MED13: variants seen among roughly 807,000 people sequenced by gnomAD.
The protein encoded by MED13 is mediator complex subunit 13.
A neutral mutation model predicts 225.2 loss-of-function variants in MED13; 23 were observed. The observed-to-expected ratio is 0.10, with a 90% CI of 0.07 to 0.14. MED13 has a LOEUF of 0.14. Among genes scored for constraint, MED13 ranks in the 10% least tolerant of loss-of-function variants. The pLI is 1.00. For synonymous variants in MED13, 942 were observed against 889.2 expected, an observed-to-expected ratio of 1.06 and a Z score of -1.06; for missense variants, 2,197 against 2,594.5, an observed-to-expected ratio of 0.85 and a Z score of 3.33.
intron 2 of MED13, among the ~76,000 whole-genome samples, chr17:62,054,422 A>G (rs2080981252): frequency 6.6e-6 from 1 of 152,230 alleles, no homozygotes; most frequent in South Asian, 2.1e-4. Flanking sequence ...TTAATCATAA[A>G]TATTAAATAG....
intron 3 of MED13, among the ~76,000 whole-genome samples, chr17:62,048,257 T>C (rs1393473889): frequency 1.3e-5 from 2 of 149,886 alleles, no homozygotes; most frequent in African/African-American, 2.4e-5. Flanking sequence ...ATACAAAAAT[T>C]AGCCAGTCGT....
Position 62,063,112 on chromosome 17 carries a change from C to T in MED13, c.256G>A (p.Gly86Ser). ...AGGTCAGCAAAACTGGGGTCTTCACCCCACCAAAATATCCACAATTCTCTT... is the reference window on the plus strand; with the variant it reads ...AGGTCAGCAAAACTGGGGTCTTCACTCCACCAAAATATCCACAATTCTCTT... The part of the protein sequence containing the change: ...GRRELWIFWW[G>S]EDPSFADLIH... Residue 86 changes from glycine to serine, a missense_variant, in exon 2 of 30, where the codon GGT becomes AGT. Around this residue, in one of 12 missense-constraint regions of MED13, gnomAD observed 884 missense variants for 918.5 expected, o/e 0.96. Coordinates refer to ENST00000397786, the MANE Select transcript of MED13 (RefSeq NM_005121.3). 2 of 1,614,052 alleles carry T rather than the reference C, an allele frequency of 1.2e-6. No individual in the cohort carries two copies. The highest frequency in any genetic ancestry group is 1.7e-6 in the Non-Finnish European group (2 of 1,179,990).
At chr17:62,028,128 T>C (rs973104748) in intron 8 of MED13, among the ~76,000 whole-genome samples, 2 of 152,002 alleles carry the variant, frequency 1.3e-5, no homozygotes, top group Non-Finnish European at 2.9e-5. Context: ...CTATTCACAA[T>C]AGCAAAGACA....
At chr17:62,017,217 GC>G in intron 8 of MED13, among the ~76,000 whole-genome samples, 2 of 101,152 alleles carry the variant, frequency 2.0e-5, no homozygotes, top group South Asian at 3.5e-4. Flanking sequence ...GAACTAAAAT[GC>G]TAAAAAAAAA....
At position 61,992,614 on chromosome 17, in the gene MED13, T is replaced by C. The variant is rs2080309102; in HGVS notation, c.2189A>G (p.Asp730Gly). ...TAACACTGTTACACTAGATGTCCCA[T>C]CTTCTACCTGCAAACAAATATTTCA... ...REAGKKHKVEDGTSSVTVLSH... is the reference protein window; with the variant it reads ...REAGKKHKVEGGTSSVTVLSH... The change falls in exon 11 of 30, where the codon GAT becomes GGT. Residue 730 changes from aspartate (D) to glycine (G), a missense_variant. Around this residue, in one of 12 missense-constraint regions of MED13, gnomAD observed 884 missense variants for 918.5 expected, o/e 0.96. Coordinates refer to ENST00000397786, the MANE Select transcript of MED13 (RefSeq NM_005121.3). 6.2e-7 allele frequency: 1 copy of C among 1,604,526 alleles called. No homozygotes were observed. Among genetic ancestry groups the C allele is most frequent in the Admixed American group, 1.7e-5 (1 of 59,752 alleles).
At chr17:62,019,075 A>C (rs1249663648) in intron 8 of MED13, among the ~76,000 whole-genome samples, 2 of 152,234 alleles carry the variant, frequency 1.3e-5, no homozygotes, top group Admixed American at 1.3e-4. Flanking sequence ...GAATATCCAC[A>C]ATTATCTGAA....
At chr17:62,043,803 T>C (rs535512502) in intron 3 of MED13, among the ~76,000 whole-genome samples, 85 of 152,358 alleles carry the variant, frequency 5.6e-4, no homozygotes, top group African/African-American at 2.0e-3. Flanking sequence ...GCTGACATGA[T>C]ATTATTTTGG....
chr17:61,980,348 T>C (rs1443598459), intron 16 of MED13, among the ~76,000 whole-genome samples: 1 of 152,140 alleles, frequency 6.6e-6, no homozygotes, highest in African/African-American at 2.4e-5. Context: ...CTATCTACAA[T>C]TACTCTACAG....
intron 3 of MED13, among the ~76,000 whole-genome samples, chr17:62,038,340 TGCAGTGA>T (rs1177508557): frequency 6.6e-6 from 1 of 152,046 alleles, no homozygotes; most frequent in African/African-American, 2.4e-5. Context: ...AGGTTGAGGG[TGCAGTGA>T]GCTATGATGA....
intron 8 of MED13, among the ~76,000 whole-genome samples, chr17:62,016,898 T>C (rs535528439): frequency 4.6e-5 from 7 of 152,030 alleles, no homozygotes; most frequent in African/African-American, 1.7e-4. Flanking sequence ...TAATCCCAAC[T>C]ACTCAGGAGG....
chr17:62,009,280 T>A (rs116666119), intron 9 of MED13, among the ~76,000 whole-genome samples: 327 of 152,124 alleles, frequency 2.1e-3, no homozygotes, highest in African/African-American at 7.7e-3. Flanking sequence ...CTGCCCAAAG[T>A]ATAACATTAA....
intron 17 of MED13, among the ~76,000 whole-genome samples, chr17:61,968,742 A>C (rs1484861080): frequency 1.3e-5 from 2 of 152,178 alleles, no homozygotes; most frequent in Non-Finnish European, 2.9e-5. Context: ...AATTTCCTAA[A>C]CAAGTCTTTT....
chr17:62,049,379 A>G (rs1399050029), intron 3 of MED13, among the ~76,000 whole-genome samples: 1 of 152,228 alleles, frequency 6.6e-6, no homozygotes, highest in East Asian at 1.9e-4. Flanking sequence ...ACAAAAAGTC[A>G]GCTAGAAAAT....
At chr17:62,029,345 G>A (rs928764996) in intron 8 of MED13, 196 bp downstream of exon 8, 2 of 561,902 alleles carry the variant, frequency 3.6e-6, no homozygotes, top group African/African-American at 3.8e-5. Context: ...TGGTAACAGT[G>A]AATGAACTGA....
intron 8 of MED13, among the ~76,000 whole-genome samples, chr17:62,014,045 C>G (rs1222447153): frequency 6.6e-6 from 1 of 151,814 alleles, no homozygotes; most frequent in African/African-American, 2.4e-5. Context: ...TCCCACCCCC[C>G]ACCAAAAACA....
intron 29 of MED13, 150 bp downstream of exon 29, chr17:61,946,767 G>T (rs2079854678): frequency 9.4e-7 from 1 of 1,063,802 alleles, no homozygotes; most frequent in Non-Finnish European, 1.4e-6. Flanking sequence ...CTCAAAAGTA[G>T]ATTACTCAAG....
rs562897699 is a variant in MED13, at chr17:62,062,609, CA to C, written c.301+457del. ...CACACACACACACACACCACACACA[CA>C]CACACACACACACACACGGATAGTT... On this transcript the variant is annotated intron_variant, in intron 2 of 29. Coordinates refer to ENST00000397786, the MANE Select transcript of MED13 (RefSeq NM_005121.3). Among the ~76,000 whole-genome samples, 16 of 108,170 alleles carry C rather than the reference CA, an allele frequency of 1.5e-4. No individual in the cohort carries two copies. In the South Asian group the frequency reaches 4.7e-3, roughly 32 times the overall value. 71.0% of individuals were successfully genotyped at this position (108,170 alleles called of 152,430 possible).
chr17:62,010,719 C>G lies in MED13; in HGVS notation c.1798G>C (p.Val600Leu), dbSNP rs1439004875. 1.9e-6 allele frequency: 3 copies of G among 1,609,154 alleles called. No individual in the cohort carries two copies. Among genetic ancestry groups the G allele is most frequent in the Non-Finnish European group, 2.5e-6 (3 of 1,177,200 alleles). Reference protein sequence around the residue: ...YQEAVEPTVYVGTAVNLEEDE... With the variant: ...YQEAVEPTVYLGTAVNLEEDE... ...TCTTCCAAGTTTACTGCTGTACCAA[C>G]ATATACTGTAGGTTCTACAGCTTCC... The change falls in exon 9 of 30, where the codon GTT becomes CTT. Residue 600 changes from valine (V) to leucine (L), a missense_variant. Physicochemically the swap from Val to Leu is conservative, Grantham distance 32. Transcript: ENST00000397786.
chr17:62,052,707 TA>T lies in MED13; in HGVS notation c.302-3del. 6.4e-7 allele frequency: 1 copy of T among 1,556,146 alleles called. No homozygotes were observed. The highest frequency in any genetic ancestry group is 8.7e-7 in the Non-Finnish European group (1 of 1,149,922). ...TCTCCCACACTCCATCTTCTTCTTC[TA>T]AAAGAGAAATGAAGGAAATAATAAA... On this transcript the variant is annotated splice_region_variant and splice_polypyrimidine_tract_variant and intron_variant, in intron 2 of 29. Coordinates refer to ENST00000397786, the MANE Select transcript of MED13 (RefSeq NM_005121.3).
Sources: gnomAD v4.1 joint callset for allele counts (sites outside exome capture counted in the v4.1 genomes callset) on GRCh38, gnomAD v4.1.1 for gene constraint, gnomAD v4.1.1 regional missense constraint, MANE v1.5 for transcripts, NCBI Gene and HGNC (gene_info 2026-07-23, HGNC 2026-07-21) for gene names.